IL1RAPL1: variants seen among roughly 807,000 people sequenced by gnomAD.
IL1RAPL1 encodes the protein interleukin 1 receptor accessory protein like 1, also known as interleukin-1 receptor accessory protein-like 1.
A neutral mutation model predicts 48.4 loss-of-function variants in IL1RAPL1; 3 were observed. That is an observed-to-expected ratio of 0.06 (90% CI 0.03 to 0.16). The LOEUF is 0.16. IL1RAPL1 is among the 10% of genes least tolerant of loss of function. IL1RAPL1 has a pLI of 1.00. For missense variants in IL1RAPL1, 349 were observed against 530.6 expected, an observed-to-expected ratio of 0.66 and a Z score of 3.36; for synonymous variants, 185 against 187.7, an observed-to-expected ratio of 0.99 and a Z score of 0.12.
At chrX:28,678,182 T>C (rs1013189243) in intron 1 of IL1RAPL1, among the ~76,000 whole-genome samples, 1 of 111,455 alleles carries the variant, frequency 9.0e-6, no homozygotes, top group Non-Finnish European at 1.9e-5. Context: ...GTGTGGGAAG[T>C]ATGCTAGAGT....
chrX:28,865,901 G>A (rs950541632), intron 2 of IL1RAPL1, among the ~76,000 whole-genome samples: 15 of 111,911 alleles, frequency 1.3e-4, no homozygotes, highest in African/African-American at 4.9e-4. Flanking sequence ...CAAGATGCAA[G>A]AGAATGTTGG....
intron 2 of IL1RAPL1, among the ~76,000 whole-genome samples, chrX:28,802,138 G>A (rs190294155): frequency 1.8e-5 from 2 of 111,120 alleles, no homozygotes; most frequent in African/African-American, 6.5e-5. Context: ...GTTCTGTTAA[G>A]AGAAAAAAAA....
At chrX:29,664,558 G>C (rs1442671577) in intron 5 of IL1RAPL1, among the ~76,000 whole-genome samples, 1 of 111,580 alleles carries the variant, frequency 9.0e-6, no homozygotes, top group African/African-American at 3.3e-5. Context: ...GTATGTGAAG[G>C]ATTAAAATTA....
chrX:28,945,885 A>ATG (rs201614700), intron 2 of IL1RAPL1, among the ~76,000 whole-genome samples: 37,603 of 97,461 alleles, frequency 0.39, 5,764 homozygotes, highest in Non-Finnish European at 0.49. Context: ...TTATATATGT[A>ATG]TGTATATATA....
At chrX:29,353,673 G>C (rs1409595191) in intron 3 of IL1RAPL1, among the ~76,000 whole-genome samples, 1 of 110,959 alleles carries the variant, frequency 9.0e-6, no homozygotes, top group Non-Finnish European at 1.9e-5. Context: ...TTATCATGCT[G>C]TTTTTACATC....
At chrX:29,614,445 A>G (rs1036360206) in intron 5 of IL1RAPL1, among the ~76,000 whole-genome samples, 2 of 112,615 alleles carry the variant, frequency 1.8e-5, no homozygotes, top group African/African-American at 6.5e-5. Context: ...TATAGTATTT[A>G]GTGCATAAAG....
intron 5 of IL1RAPL1, among the ~76,000 whole-genome samples, chrX:29,570,238 G>A (rs1922550525): frequency 8.9e-6 from 1 of 112,335 alleles, no homozygotes; most frequent in Non-Finnish European, 1.9e-5. Flanking sequence ...AAATAGCTGA[G>A]AATTGTTCGT....
At chrX:29,152,086 G>A (rs772771455) in intron 2 of IL1RAPL1, among the ~76,000 whole-genome samples, 13 of 111,564 alleles carry the variant, frequency 1.2e-4, no homozygotes, top group African/African-American at 4.2e-4. Context: ...CATGGCGGAA[G>A]GCAAAAGAGG....
intron 3 of IL1RAPL1, among the ~76,000 whole-genome samples, chrX:29,341,534 G>T (rs1009962082): frequency 2.7e-5 from 3 of 111,748 alleles, no homozygotes; most frequent in African/African-American, 9.8e-5. Flanking sequence ...TGAAAGTGAA[G>T]ATGAAAAAGT....
intron 5 of IL1RAPL1, among the ~76,000 whole-genome samples, chrX:29,616,467 C>T (rs1319390628): frequency 5.6e-5 from 6 of 107,397 alleles, no homozygotes; most frequent in South Asian, 4.3e-4. Flanking sequence ...CTCCTAATGC[C>T]ATCCCTCCCC....
At chrX:29,791,687 G>A (rs1394915930) in intron 6 of IL1RAPL1, among the ~76,000 whole-genome samples, 2 of 104,893 alleles carry the variant, frequency 1.9e-5, no homozygotes, top group African/African-American at 3.5e-5. Flanking sequence ...GCCTCCCAAA[G>A]TGCTGGGATT....
chrX:29,409,185 A>G (rs1041960581), intron 5 of IL1RAPL1, among the ~76,000 whole-genome samples: 14 of 112,328 alleles, frequency 1.2e-4, no homozygotes, highest in African/African-American at 4.5e-4. Flanking sequence ...TAAAAGGGGC[A>G]GATCTTTCCA....
chrX:29,056,040 C>T (rs1319136082), intron 2 of IL1RAPL1, among the ~76,000 whole-genome samples: 1 of 111,832 alleles, frequency 8.9e-6, no homozygotes, highest in Non-Finnish European at 1.9e-5. Context: ...TCTGTATTGC[C>T]ATTTGGCCTA....
chrX:29,861,706 A>C (rs1003434020), intron 6 of IL1RAPL1, among the ~76,000 whole-genome samples: 3 of 111,832 alleles, frequency 2.7e-5, no homozygotes, highest in Non-Finnish European at 5.6e-5. Context: ...GAAATAAAAA[A>C]TAAAATAAAA....
At chrX:29,216,674 A>G (rs1023692014) in intron 2 of IL1RAPL1, among the ~76,000 whole-genome samples, 3 of 111,890 alleles carry the variant, frequency 2.7e-5, no homozygotes, top group Non-Finnish European at 3.8e-5. Flanking sequence ...TCAGGTAAGA[A>G]TCCAACCTTA....
chrX:29,174,335 A>G (rs1361952556), intron 2 of IL1RAPL1, among the ~76,000 whole-genome samples: 1 of 112,524 alleles, frequency 8.9e-6, no homozygotes, highest in Non-Finnish European at 1.9e-5. Context: ...ATAATTTCAG[A>G]CAAAGATTTA....
At chrX:29,221,620 TAC>T (rs35088625) in intron 2 of IL1RAPL1, among the ~76,000 whole-genome samples, 5,007 of 79,169 alleles carry the variant, frequency 0.063, 123 homozygotes, top group Middle Eastern at 0.1. Flanking sequence ...TACACACACA[TAC>T]ACACACACAC....
Position 29,212,718 on chromosome X carries a change from G to A in IL1RAPL1, c.83-70220G>A, listed in dbSNP as rs139635187. On this transcript the variant is annotated intron_variant, in intron 2 of 10. Transcript: ENST00000378993. ...TTGTGTATTATATGTATCGCATACT[G>A]TATTCTTGCAATAAAGTATGTTAGA... 9.2e-4 allele frequency among the ~76,000 whole-genome samples: 104 copies of A among 112,506 alleles called. No individual in the cohort carries two copies. In the East Asian group the frequency reaches 0.025, roughly 27 times the overall value.
At chrX:29,849,271 G>A (rs1404179937) in intron 6 of IL1RAPL1, among the ~76,000 whole-genome samples, 1 of 111,490 alleles carries the variant, frequency 9.0e-6, no homozygotes, top group Non-Finnish European at 1.9e-5. Context: ...AATAAATATT[G>A]ATAGTCTGTC....
Sources: gnomAD v4.1 joint callset for allele counts (sites outside exome capture counted in the v4.1 genomes callset) on GRCh38, gnomAD v4.1.1 for gene constraint, MANE v1.5 for transcripts, NCBI Gene and HGNC (gene_info 2026-07-23, HGNC 2026-07-21) for gene names.